Variants in CCDC141 observed in about 807,000 individuals in gnomAD.
CCDC141 encodes the protein coiled-coil domain containing 141, also known as coiled-coil domain-containing protein 141.
CCDC141 carries 168 observed loss-of-function variants against 181.0 expected under a neutral mutation model. That is an observed-to-expected ratio of 0.93 (90% CI 0.82 to 1.05). CCDC141 has a LOEUF of 1.05. Ranked by LOEUF, CCDC141 falls within the 50% of genes least tolerant of loss-of-function variation. CCDC141 has a pLI of 0.00. For missense variants in CCDC141, 1,902 were observed against 1,788.5 expected, an observed-to-expected ratio of 1.06 and a Z score of -1.14; for synonymous variants, 666 against 642.3, an observed-to-expected ratio of 1.04 and a Z score of -0.56.
chr2:178,848,119 G>C (rs1685016490), intron 21 of CCDC141, among the ~76,000 whole-genome samples: 1 of 152,222 alleles, frequency 6.6e-6, no homozygotes, highest in South Asian at 2.1e-4. Flanking sequence ...TATAGCTAAG[G>C]AAGGATTTAT....
the CCDC141 span, among the ~76,000 whole-genome samples, chr2:178,821,121 T>C: frequency 6.6e-6 from 1 of 152,154 alleles, no homozygotes; most frequent in East Asian, 1.9e-4. Context: ...CCCAGTTATT[T>C]CATCACTCAA....
chr2:178,963,636 G>A lies in CCDC141; in HGVS notation c.527-2153C>T, dbSNP rs190920005. On this transcript the variant is annotated intron_variant, in intron 4 of 23. Coordinates refer to ENST00000443758, the MANE Select transcript of CCDC141 (RefSeq NM_173648.4). ...GCAATGATGTAGGCTGAGGTAGTTG[G>A]GCCAGTTTTCTCTTTCAATTGACAC... Among the ~76,000 whole-genome samples the A allele has an allele frequency of 2.1e-3, 312 of 151,946 alleles. 1 individual carries two copies. The highest frequency in any genetic ancestry group is 0.012 in the South Asian group (60 of 4,802).
rs1177070237 is a variant in CCDC141 at position 179,015,067 on chromosome 2, GATATATATATATATATATATATAT to G, written c.225+32193_225+32216del. Among the ~76,000 whole-genome samples, 253 of 39,604 alleles carry G rather than the reference GATATATATATATATATATATATAT, an allele frequency of 6.4e-3. 8 individuals carry two copies. The highest frequency in any genetic ancestry group is 0.057 in the South Asian group (69 of 1,202). 26.0% of individuals were successfully genotyped at this position (39,604 alleles called of 152,430 possible). Reference sequence around the variant, plus strand: ...GTGGATAAACTGTGAGAGAGACAGAGATATATATATATATATATATATATATATATATATATAATATATATATAA... The same window carrying G: ...GTGGATAAACTGTGAGAGAGACAGAGATATATATATATAATATATATATAA... On this transcript the variant is annotated intron_variant, in intron 2 of 23. Transcript: ENST00000443758.
chr2:178,981,243 C>T (rs1045115890), intron 2 of CCDC141, among the ~76,000 whole-genome samples: 16 of 152,088 alleles, frequency 1.1e-4, no homozygotes, highest in Admixed American at 5.9e-4. Flanking sequence ...TATTAGTCAA[C>T]TTGATCTAAT....
chr2:179,015,963 C>G (rs962823203), intron 2 of CCDC141, among the ~76,000 whole-genome samples: 1 of 143,656 alleles, frequency 7.0e-6, no homozygotes, highest in African/African-American at 2.5e-5. Flanking sequence ...TCATATATAT[C>G]ATATATATAT....
At chr2:178,974,123 G>A (rs1691019031) in intron 4 of CCDC141, among the ~76,000 whole-genome samples, 1 of 152,088 alleles carries the variant, frequency 6.6e-6, no homozygotes, top group Admixed American at 6.6e-5. Flanking sequence ...GTTTTAGAAA[G>A]TTGTAATAAG....
At chr2:179,019,193 T>A (rs1427853823) in intron 2 of CCDC141, among the ~76,000 whole-genome samples, 1 of 152,136 alleles carries the variant, frequency 6.6e-6, no homozygotes, top group East Asian at 1.9e-4. Flanking sequence ...CCAACATTTA[T>A]CCAAATCCAA....
intron 1 of CCDC141, among the ~76,000 whole-genome samples, chr2:179,048,140 C>T (rs549404233): frequency 5.3e-5 from 8 of 152,276 alleles, no homozygotes; most frequent in African/African-American, 1.4e-4. Flanking sequence ...AGCAACAACT[C>T]ATTAAGCAAA....
chr2:179,047,486 G>T, intron 1 of CCDC141, 80 bp from the exon 2 acceptor site: 1 of 1,226,724 alleles, frequency 8.2e-7, no homozygotes, highest in South Asian at 2.3e-5. Context: ...TTAATATATC[G>T]TTTAAATTTC....
Position 178,891,633 on chromosome 2 carries a change from T to A in CCDC141, c.1266-2965A>T, listed in dbSNP as rs898105261. On this transcript the variant is annotated intron_variant, in intron 8 of 23. Coordinates refer to ENST00000443758, the MANE Select transcript of CCDC141 (RefSeq NM_173648.4). The stretch of plus-strand genomic sequence containing the variant: ...CCACTAGAGGGTCATGGTAGCTTGC[T>A]CAAATTACTACGTTTCTTGAAGGTC... 2.0e-5 allele frequency among the ~76,000 whole-genome samples: 3 copies of A among 152,164 alleles called. No individual in the cohort carries two copies. In the South Asian group the frequency reaches 6.2e-4, roughly 32 times the overall value.
intron 2 of CCDC141, among the ~76,000 whole-genome samples, chr2:178,995,313 C>T (rs996369849): frequency 6.6e-6 from 1 of 152,086 alleles, no homozygotes; most frequent in Non-Finnish European, 1.5e-5. Flanking sequence ...TAGCAGCAGG[C>T]AAAAAGAGTG....
chr2:179,049,208 A>T (rs963995695), intron 1 of CCDC141, among the ~76,000 whole-genome samples: 8 of 152,196 alleles, frequency 5.3e-5, no homozygotes, highest in African/African-American at 1.9e-4. Context: ...GTAAACCCTA[A>T]GTGGCTTCTA....
intron 2 of CCDC141, among the ~76,000 whole-genome samples, chr2:179,011,695 C>A (rs1479805356): frequency 6.6e-6 from 1 of 152,110 alleles, no homozygotes; most frequent in East Asian, 1.9e-4. Context: ...GCACGTGGAA[C>A]TTTATCCAAG....
At chr2:178,984,110 G>A (rs1281902718) in intron 2 of CCDC141, among the ~76,000 whole-genome samples, 1 of 152,192 alleles carries the variant, frequency 6.6e-6, no homozygotes, top group African/African-American at 2.4e-5. Flanking sequence ...GACTAACAGT[G>A]GATCTCTCGG....
intron 22 of CCDC141, 103 bp from the exon 23 acceptor site, chr2:178,837,847 A>C: frequency 7.8e-7 from 1 of 1,284,960 alleles, no homozygotes; most frequent in Non-Finnish European, 1.0e-6. Flanking sequence ...GAGACAACCT[A>C]CAAGGTTAAA....
chr2:178,994,881 C>A (rs1056239950), intron 2 of CCDC141, among the ~76,000 whole-genome samples: 1 of 152,166 alleles, frequency 6.6e-6, no homozygotes, highest in Non-Finnish European at 1.5e-5. Context: ...TTTGCTCAAA[C>A]GTAACAAAAG....
intron 2 of CCDC141, among the ~76,000 whole-genome samples, chr2:179,017,313 A>G (rs2042571311): frequency 1.3e-5 from 2 of 152,128 alleles, no homozygotes; most frequent in South Asian, 2.1e-4. Context: ...ATTGTAAACT[A>G]AAGAAGCCCA....
intron 17 of CCDC141, among the ~76,000 whole-genome samples, chr2:178,857,455 G>A (rs1446938409): frequency 6.6e-6 from 1 of 152,202 alleles, no homozygotes; most frequent in Non-Finnish European, 1.5e-5. Flanking sequence ...TGTTGCTAAT[G>A]ACGGCTATGC....
At chr2:179,013,398 TACCA>T (rs1361527450) in intron 2 of CCDC141, among the ~76,000 whole-genome samples, 1 of 151,956 alleles carries the variant, frequency 6.6e-6, no homozygotes, top group Non-Finnish European at 1.5e-5. Context: ...CTTAGGAATA[TACCA>T]ACCAAGGAGT....
Sources: gnomAD v4.1 joint callset for allele counts (sites outside exome capture counted in the v4.1 genomes callset) on GRCh38, gnomAD v4.1.1 for gene constraint, MANE v1.5 for transcripts, NCBI Gene and HGNC (gene_info 2026-07-23, HGNC 2026-07-21) for gene names.